YAP1: variants seen among roughly 807,000 people sequenced by gnomAD.
YAP1 encodes the protein Yes1 associated transcriptional regulator.
A neutral mutation model predicts 56.9 loss-of-function variants in YAP1; 5 were observed. The ratio of observed to expected loss-of-function variants is 0.09; its 90% CI spans 0.05 to 0.18. The LOEUF (loss-of-function observed/expected upper bound fraction) is 0.18, where lower values mean the gene tolerates loss of function less well. Among genes scored for constraint, YAP1 ranks in the 10% least tolerant of loss-of-function variants. The probability of loss-of-function intolerance (pLI) is 1.00; values close to 1 mark genes in which losing one functional copy is unlikely to be tolerated. For missense variants in YAP1, 539 were observed against 651.8 expected (o/e 0.83, Z 1.88); for synonymous variants, 265 against 248.1 (o/e 1.07, Z -0.64).
At chr11:102,134,691 C>G (rs980139012) in intron 2 of YAP1, among the ~76,000 whole-genome samples, 2 of 151,840 alleles carry the variant, frequency 1.3e-5, no homozygotes, top group Non-Finnish European at 2.9e-5. Flanking sequence ...CCAGAGGTAA[C>G]TTCTGGCCTT....
At chr11:102,123,916 C>T (rs1400799070) in intron 2 of YAP1, among the ~76,000 whole-genome samples, 3 of 150,020 alleles carry the variant, frequency 2.0e-5, no homozygotes, top group African/African-American at 7.4e-5. Flanking sequence ...TGTGAGCCAC[C>T]ATGCCCGGCC....
At position 102,230,211 on chromosome 11, in the gene YAP1, G is replaced by T; in HGVS notation, c.*271G>T. ...AAAACTACTGTTCATTTTGGGGGCT[G>T]GGGGAAGTGAGCCTGTTTGGATGAT... On this transcript the variant is annotated 3_prime_UTR_variant, in exon 9 of 9. Transcript: ENST00000282441. 3.4e-6 allele frequency: 1 copy of T among 290,236 alleles called. No homozygotes were observed. The highest frequency in any genetic ancestry group is 6.5e-6 in the Non-Finnish European group (1 of 154,034). The allele number at this position is 290,236 out of a possible 1,614,324, so 18.0% of individuals were successfully genotyped here. A position where few individuals can be genotyped will look rare whatever the true frequency, so the allele number is the denominator to read the frequency against.
At chr11:102,173,079 TGC>T (rs1947013367) in intron 3 of YAP1, among the ~76,000 whole-genome samples, 1 of 152,132 alleles carries the variant, frequency 6.6e-6, no homozygotes, top group Non-Finnish European at 1.5e-5. Flanking sequence ...GGAGGGCAGT[TGC>T]AGTAACCCAG....
Position 102,206,016 on chromosome 11 carries a change from A to G in YAP1, c.926A>G (p.Gln309Arg). The G allele has an allele frequency of 6.2e-7, 1 of 1,614,056 alleles. No individual in the cohort carries two copies. The highest frequency in any genetic ancestry group is 8.5e-7 in the Non-Finnish European group (1 of 1,179,982). ...NSNQQQQMRL[Q>R]QLQMEKERLR... ...AACCAGCAGCAACAGATGCGACTGC[A>G]GCAACTGCAGATGGAGAAGGAGAGG... Residue 309 changes from glutamine (Q) to arginine (R), a missense_variant, in exon 5 of 9, where the codon CAG becomes CGG. By Grantham distance (43) the Gln-to-Arg change is conservative. Around this residue, in one of 4 missense-constraint regions of YAP1, gnomAD observed 414 missense variants for 512.4 expected, o/e 0.81. Coordinates refer to ENST00000282441, the MANE Select transcript of YAP1 (RefSeq NM_001130145.3).
intron 5 of YAP1, 147 bp from the exon 6 acceptor site, chr11:102,209,370 C>T: frequency 1.4e-6 from 1 of 700,826 alleles, no homozygotes; most frequent in Non-Finnish European, 2.4e-6. Context: ...ACTCCATTGG[C>T]TCCTGTCTTC....
At chr11:102,113,529 A>G (rs1943095126) in intron 1 of YAP1, among the ~76,000 whole-genome samples, 1 of 152,188 alleles carries the variant, frequency 6.6e-6, no homozygotes, top group South Asian at 2.1e-4. Flanking sequence ...ACAAAGATAT[A>G]GTTGGGTTTT....
intron 4 of YAP1, among the ~76,000 whole-genome samples, chr11:102,194,503 A>G (rs559116708): frequency 1.1e-4 from 16 of 152,358 alleles, no homozygotes; most frequent in African/African-American, 3.8e-4. Context: ...TATTTATGCA[A>G]CAAAAGTTTG....
chr11:102,191,127 T>C (rs1456729576), intron 4 of YAP1, among the ~76,000 whole-genome samples: 1 of 150,604 alleles, frequency 6.6e-6, no homozygotes, highest in Non-Finnish European at 1.5e-5. Context: ...GAGCCCAAGA[T>C]CGCACCACTG....
chr11:102,131,677 C>T (rs1944374224), intron 2 of YAP1, among the ~76,000 whole-genome samples: 1 of 152,180 alleles, frequency 6.6e-6, no homozygotes, highest in Admixed American at 6.5e-5. Flanking sequence ...AAGTATCCCA[C>T]AATGGCTGAT....
intron 1 of YAP1, among the ~76,000 whole-genome samples, chr11:102,113,701 GA>G (rs1215819679): frequency 6.6e-6 from 1 of 151,740 alleles, no homozygotes; most frequent in East Asian, 1.9e-4. Context: ...GTTTGACCTA[GA>G]AAAAAAATTA....
At chr11:102,223,461 T>TG (rs1950048744) in intron 6 of YAP1, among the ~76,000 whole-genome samples, 161 bp from the exon 7 acceptor site, 1 of 152,154 alleles carries the variant, frequency 6.6e-6, no homozygotes. Flanking sequence ...TCATTTGAAA[T>TG]GGATAGAATT....
chr11:102,151,891 G>C (rs1945677860), intron 2 of YAP1, among the ~76,000 whole-genome samples: 1 of 152,172 alleles, frequency 6.6e-6, no homozygotes. Context: ...ATTATGTACA[G>C]AGTGAGGGAG....
chr11:102,127,689 C>T (rs1268742895), intron 2 of YAP1, among the ~76,000 whole-genome samples: 2 of 152,180 alleles, frequency 1.3e-5, no homozygotes, highest in Non-Finnish European at 2.9e-5. Context: ...AGAAGAGAGC[C>T]ACCATCCTCC....
At chr11:102,196,220 TCC>T in intron 4 of YAP1, among the ~76,000 whole-genome samples, 1 of 152,110 alleles carries the variant, frequency 6.6e-6, no homozygotes, top group East Asian at 1.9e-4. Flanking sequence ...AACGTATGTC[TCC>T]ACGTTGTGGG....
intron 4 of YAP1, among the ~76,000 whole-genome samples, chr11:102,199,282 C>T (rs1410320596): frequency 1.3e-5 from 2 of 152,262 alleles, no homozygotes; most frequent in Middle Eastern, 3.4e-3. Context: ...CAACTCTAAT[C>T]CAAGTTCATT....
intron 6 of YAP1, among the ~76,000 whole-genome samples, chr11:102,219,629 A>G (rs904565695): frequency 6.6e-6 from 1 of 152,104 alleles, no homozygotes; most frequent in African/African-American, 2.4e-5. Context: ...AGGGATCCCC[A>G]TAAGACTGCA....
chr11:102,140,054 G>A (rs757872473), intron 2 of YAP1, among the ~76,000 whole-genome samples: 6 of 152,018 alleles, frequency 3.9e-5, no homozygotes, highest in South Asian at 2.1e-4. Flanking sequence ...ATCCTAAATA[G>A]GACTCTTCTA....
At chr11:102,199,267 A>G (rs1948724243) in intron 4 of YAP1, among the ~76,000 whole-genome samples, 1 of 152,200 alleles carries the variant, frequency 6.6e-6, no homozygotes, top group Non-Finnish European at 1.5e-5. Flanking sequence ...CCAAATTAGT[A>G]TGCCCAACTC....
intron 5 of YAP1, among the ~76,000 whole-genome samples, chr11:102,207,306 CAG>C (rs1282638033): frequency 6.6e-6 from 1 of 151,430 alleles, no homozygotes; most frequent in Non-Finnish European, 1.5e-5. Flanking sequence ...TTAATTTTTC[CAG>C]AGATACTCTG....
Sources: gnomAD v4.1 joint callset for allele counts (sites outside exome capture counted in the v4.1 genomes callset) on GRCh38, gnomAD v4.1.1 for gene constraint, gnomAD v4.1.1 regional missense constraint, MANE v1.5 for transcripts, NCBI Gene and HGNC (gene_info 2026-07-23, HGNC 2026-07-21) for gene names.